The following EHD2 variants were observed in gnomAD, a reference collection of about 807,000 sequenced individuals.
EHD2 encodes EH domain-containing protein 2.
In EHD2, 27 loss-of-function variants were observed where a neutral mutation model predicts 41.0. The ratio of observed to expected loss-of-function variants is 0.66; its 90% confidence interval spans 0.49 to 0.91. The LOEUF (loss-of-function observed/expected upper bound fraction) is 0.91, where lower values mean the gene tolerates loss of function less well. Ranked by LOEUF, EHD2 falls within the 40% of genes least tolerant of loss-of-function variation. The pLI is 0.00. For missense variants in EHD2, 673 were observed against 773.9 expected, an observed-to-expected ratio of 0.87 and a Z score of 1.55; for synonymous variants, 342 against 341.0, an observed-to-expected ratio of 1.00 and a Z score of -0.03.
At chr19:47,727,333 G>A (rs759653417) in intron 4 of EHD2, among the ~76,000 whole-genome samples, 12 of 151,842 alleles carry the variant, frequency 7.9e-5, no homozygotes, top group Non-Finnish European at 1.5e-4. Context: ...TCAACCTCAG[G>A]TGATCCGCTC....
chr19:47,738,607 T>C (rs1966949800), intron 5 of EHD2, among the ~76,000 whole-genome samples: 1 of 152,226 alleles, frequency 6.6e-6, no homozygotes, highest in South Asian at 2.1e-4. Context: ...CGGCCTGTAT[T>C]TCATTTTAAT....
chr19:47,733,994 C>G (rs1328767326), intron 4 of EHD2, among the ~76,000 whole-genome samples: 1 of 152,148 alleles, frequency 6.6e-6, no homozygotes, highest in South Asian at 2.1e-4. Context: ...TTATGAGCAG[C>G]ATCCCCTGGG....
At chr19:47,731,303 C>CATATATATATATATATAT (rs1169433614) in intron 4 of EHD2, 4 of 58,476 alleles carry the variant, frequency 6.8e-5, no homozygotes, top group African/African-American at 1.8e-4. Flanking sequence ...TATATATATA[C>CATATATATATATATATAT]ATATATATAT....
chr19:47,731,293 T>C (rs1407189076), intron 4 of EHD2: 1 of 89,948 alleles, frequency 1.1e-5, no homozygotes, highest in Non-Finnish European at 2.7e-5. Flanking sequence ...TATATATATA[T>C]ATATATATAC....
Position 47,741,267 on chromosome 19 carries a change from C to G in EHD2, c.1467C>G (p.Ile489Met). The stretch of plus-strand genomic sequence containing the variant: ...TCCCCAACTCAGTGCTGGGGCGCAT[C>G]TGGAAGCTCAGCGATGTGGACCGCG... ...TKLPNSVLGR[I>M]WKLSDVDRDG... The change falls in exon 6 of 6, where the codon ATC (isoleucine) becomes ATG (methionine). Residue 489 changes from isoleucine to methionine, a missense_variant. Coordinates refer to ENST00000263277, the MANE Select transcript of EHD2 (RefSeq NM_014601.4). The surrounding 1 kb of genome is among the most constrained non-coding windows in gnomAD (Gnocchi z 4.5). The G allele has an allele frequency of 1.2e-6, 2 of 1,614,164 alleles. No homozygotes were observed. The highest frequency in any genetic ancestry group is 1.7e-6 in the Non-Finnish European group (2 of 1,180,006).
At position 47,741,556 on chromosome 19, in the gene EHD2, C is replaced by G; in HGVS notation, c.*124C>G. 1 of 1,145,854 alleles carries G rather than the reference C, an allele frequency of 8.7e-7. No homozygotes were observed. Among genetic ancestry groups the G allele is most frequent in the African/African-American group, 1.6e-5 (1 of 64,228 alleles). The allele number at this position is 1,145,854 out of a possible 1,614,324, so 71.0% of individuals were successfully genotyped here. A position where few individuals can be genotyped will look rare whatever the true frequency, so the allele number is the denominator to read the frequency against. On this transcript the variant is annotated 3_prime_UTR_variant, in exon 6 of 6. Transcript: ENST00000263277. The surrounding 1 kb of genome is among the most constrained non-coding windows in gnomAD (Gnocchi z 4.5). Reference sequence around the variant, plus strand: ...GCCCAGCTGTAAGGACCGGGGGTCTCCCTCCTCACTACCGCCAGACACCCC... The same window carrying G: ...GCCCAGCTGTAAGGACCGGGGGTCTGCCTCCTCACTACCGCCAGACACCCC...
chr19:47,739,750 G>A (rs984400084), intron 5 of EHD2, among the ~76,000 whole-genome samples: 2 of 145,280 alleles, frequency 1.4e-5, no homozygotes, highest in African/African-American at 2.5e-5. Flanking sequence ...AGCCTGCTGA[G>A]TTTTTTTTTT....
Position 47,736,550 on chromosome 19 carries a change from G to C in EHD2, c.1080+17G>C, listed in dbSNP as rs758651936. ...AAAATGCAGGTGGGAAGCTGCCCAG[G>C]AGGGAATGTTGGGGGTGGGTGATGG... On this transcript the variant is annotated intron_variant, in intron 5 of 5. Transcript: ENST00000263277. 2.5e-6 allele frequency: 4 copies of C among 1,573,270 alleles called. No homozygotes were observed. Among genetic ancestry groups the C allele is most frequent in the Non-Finnish European group, 2.6e-6 (3 of 1,157,678 alleles).
chr19:47,716,497 A>G, intron 1 of EHD2, 61 bp from the exon 2 acceptor site: 1 of 1,210,512 alleles, frequency 8.3e-7, no homozygotes, highest in East Asian at 2.6e-5. Context: ...GTCTACACTC[A>G]GACCCCTTTC....
chr19:47,716,884 A>G lies in EHD2; in HGVS notation c.272A>G (p.Glu91Gly). The G allele has an allele frequency of 6.2e-7, 1 of 1,612,696 alleles. No individual in the cohort carries two copies. Among genetic ancestry groups the G allele is most frequent in the Non-Finnish European group, 8.5e-7 (1 of 1,179,774 alleles). ...GTGCCCGGCTCCCGCGTGGGGCCTG[A>G]GCCCACCACCGACTGCTTTGTGGCC... ...QEVPGSRVGP[E>G]PTTDCFVAVM... Residue 91 changes from glutamate to glycine, a missense_variant, in exon 2 of 6, where the codon GAG becomes GGG. By Grantham distance (98) the Glu-to-Gly change is moderately conservative (BLOSUM62 -2). Transcript: ENST00000263277.
chr19:47,741,363 G>T lies in EHD2; in HGVS notation c.1563G>T (p.Gly521=). The change falls in exon 6 of 6, where the codon GGG becomes GGT. Residue 521 remains glycine, a synonymous_variant. Transcript: ENST00000263277. This position sits in a 1 kb window ranked among gnomAD's most constrained non-coding sequence, Gnocchi z 4.5. The part of the protein sequence containing the change: ...HLIEAKLEGH[G]LPANLPRRLV... ...TCGAGGCCAAGCTGGAAGGCCACGG[G>T]CTGCCCGCCAACCTGCCCCGTCGCC... The T allele has an allele frequency of 6.2e-7, 1 of 1,608,244 alleles. No homozygotes were observed.
chr19:47,739,597 CAA>C lies in EHD2; in HGVS notation c.1081-1266_1081-1265del, dbSNP rs869157023. On this transcript the variant is annotated intron_variant, in intron 5 of 5. Coordinates refer to ENST00000263277, the MANE Select transcript of EHD2 (RefSeq NM_014601.4). ...GCCTGGGTGACAGAGCGAAACTCGT[CAA>C]AAAAAAAAAAAAAAAAAGGAAAGAA... Among the ~76,000 whole-genome samples, 392 of 60,718 alleles carry C rather than the reference CAA, an allele frequency of 6.5e-3. 2 individuals carry two copies. Among genetic ancestry groups the C allele is most frequent in the African/African-American group, 0.018 (365 of 20,788 alleles). The allele number at this position is 60,718 out of a possible 152,430, so 39.8% of individuals were successfully genotyped here. A position where few individuals can be genotyped will look rare whatever the true frequency, so the allele number is the denominator to read the frequency against.
At chr19:47,724,411 G>A (rs1973728472) in intron 3 of EHD2, among the ~76,000 whole-genome samples, 1 of 152,188 alleles carries the variant, frequency 6.6e-6, no homozygotes, top group Admixed American at 6.5e-5. Context: ...CAAGTTCAGA[G>A]AGGTTAAGCT....
chr19:47,727,509 A>T (rs992089589), intron 4 of EHD2, among the ~76,000 whole-genome samples: 4 of 151,962 alleles, frequency 2.6e-5, no homozygotes, highest in East Asian at 1.9e-4. Context: ...TTAATTAATT[A>T]ATTTATTTAT....
In EHD2 at chr19:47,716,987, C is replaced by G. The variant is rs781646087; in HGVS notation, c.375C>G (p.Leu125=). The part of the protein sequence containing the change: ...VVDPDKPFRK[L]NPFGNTFLNR... The stretch of plus-strand genomic sequence containing the variant: ...ACCCGGACAAGCCCTTCCGCAAACT[C>G]AACCCTTTCGGAAACACCTTCCTCA... The change falls in exon 2 of 6, where the codon CTC becomes CTG. Residue 125 remains leucine, a synonymous_variant. Transcript: ENST00000263277. The G allele has an allele frequency of 2.5e-6, 4 of 1,602,134 alleles. No homozygotes were observed.
At chr19:47,724,576 A>G (rs1019773322) in intron 3 of EHD2, among the ~76,000 whole-genome samples, 2 of 152,054 alleles carry the variant, frequency 1.3e-5, no homozygotes, top group African/African-American at 4.8e-5. Flanking sequence ...GGTGAGAATG[A>G]GTGGATGAAG....
rs748989469 is a variant in EHD2, at chr19:47,740,867, G to A, written c.1081-14G>A. The A allele has an allele frequency of 6.2e-7, 1 of 1,611,008 alleles. No homozygotes were observed. Among genetic ancestry groups the A allele is most frequent in the Non-Finnish European group, 8.5e-7 (1 of 1,179,402 alleles). ...CGCCGCTTGAATTCTGGGTGCCCCT[G>A]TCCCCCACCACAGGAGCTGCTGATG... On this transcript the variant is annotated splice_polypyrimidine_tract_variant and intron_variant, in intron 5 of 5. Coordinates refer to ENST00000263277, the MANE Select transcript of EHD2 (RefSeq NM_014601.4).
At chr19:47,725,140 G>A (rs1483036469) in intron 3 of EHD2, among the ~76,000 whole-genome samples, 1 of 151,930 alleles carries the variant, frequency 6.6e-6, no homozygotes, top group Non-Finnish European at 1.5e-5. Context: ...CAGGCTTGGG[G>A]GTTCCATAGA....
chr19:47,731,726 C>T (rs935926539), intron 4 of EHD2, among the ~76,000 whole-genome samples: 5 of 151,886 alleles, frequency 3.3e-5, no homozygotes, highest in Non-Finnish European at 5.9e-5. Flanking sequence ...CTCCCAGGGC[C>T]TCTTTTCTAG....
Sources: gnomAD v4.1 joint callset for allele counts (sites outside exome capture counted in the v4.1 genomes callset) on GRCh38, gnomAD v4.1.1 for gene constraint, Gnocchi (gnomAD v3.1) non-coding constraint, MANE v1.5 for transcripts, NCBI Gene and HGNC (gene_info 2026-07-23, HGNC 2026-07-21) for gene names.